The following ECT2 variants were observed in gnomAD, a reference collection of about 807,000 sequenced individuals.
The protein encoded by ECT2 is protein ECT2.
Under a neutral mutation model 116.9 loss-of-function variants are expected in ECT2, and 61 were observed. The ratio of observed to expected loss-of-function variants is 0.52; its 90% CI spans 0.42 to 0.65. ECT2 has a LOEUF of 0.65. Among genes scored for constraint, ECT2 ranks in the 30% least tolerant of loss-of-function variants. ECT2 has a pLI of 0.00. For synonymous variants in ECT2, 358 were observed against 346.4 expected (o/e 1.03, Z -0.37); for missense variants, 937 against 1,078.7 (o/e 0.87, Z 1.84).
At chr3:172,827,780 T>C in the ECT2 span, among the ~76,000 whole-genome samples, 9 of 152,328 alleles carry the variant, frequency 5.9e-5, no homozygotes, top group African/African-American at 1.7e-4. Context: ...AGGTTTGAGT[T>C]TGAATAAACT....
intron 24 of ECT2, among the ~76,000 whole-genome samples, 187 bp downstream of exon 24, chr3:172,817,024 A>G (rs1729840753): frequency 1.3e-5 from 2 of 152,246 alleles, no homozygotes; most frequent in Non-Finnish European, 2.9e-5. Flanking sequence ...AGATATTTTC[A>G]TTCTTTCTTA....
chr3:172,787,870 A>G (rs1723895471), intron 18 of ECT2, among the ~76,000 whole-genome samples: 1 of 152,230 alleles, frequency 6.6e-6, no homozygotes, highest in Non-Finnish European at 1.5e-5. Flanking sequence ...TTTGGTAAGC[A>G]AAGATTATAA....
At chr3:172,795,941 AT>A (rs1230348888) in intron 18 of ECT2, among the ~76,000 whole-genome samples, 3 of 152,214 alleles carry the variant, frequency 2.0e-5, no homozygotes, top group Non-Finnish European at 2.9e-5. Flanking sequence ...GTGTTTTTTA[AT>A]TAAAAAACAA....
At chr3:172,765,267 T>C (rs144998943) in intron 12 of ECT2, among the ~76,000 whole-genome samples, 29 of 152,286 alleles carry the variant, frequency 1.9e-4, no homozygotes, top group African/African-American at 7.0e-4. Context: ...TTCTGTGATA[T>C]TACTTACTCA....
intron 22 of ECT2, among the ~76,000 whole-genome samples, chr3:172,812,198 CG>C (rs1270570785): frequency 6.6e-6 from 1 of 152,026 alleles, no homozygotes; most frequent in African/African-American, 2.4e-5. Context: ...TGGCCAGCCA[CG>C]CTGGTCTTGA....
chr3:172,782,016 GAGAA>G, intron 14 of ECT2, 143 bp from the exon 15 acceptor site: 1 of 411,082 alleles, frequency 2.4e-6, no homozygotes, highest in Non-Finnish European at 4.3e-6. Context: ...CCTTGTTGAA[GAGAA>G]AGAATGGGAT....
At chr3:172,788,347 GAT>G (rs1723983653) in intron 18 of ECT2, among the ~76,000 whole-genome samples, 1 of 152,142 alleles carries the variant, frequency 6.6e-6, no homozygotes, top group African/African-American at 2.4e-5. Context: ...ATTTGTTATA[GAT>G]ATGTTTTTAG....
intron 18 of ECT2, among the ~76,000 whole-genome samples, chr3:172,800,406 A>G (rs996869191): frequency 6.6e-6 from 1 of 152,198 alleles, no homozygotes. Context: ...ACTAGTGTCA[A>G]TGAGCTTTCT....
At chr3:172,802,041 G>T (rs1215115842) in intron 18 of ECT2, among the ~76,000 whole-genome samples, 1 of 152,114 alleles carries the variant, frequency 6.6e-6, no homozygotes, top group African/African-American at 2.4e-5. Flanking sequence ...GTATAGTAAA[G>T]AATATAGAAA....
downstream of ECT2, among the ~76,000 whole-genome samples, chr3:172,824,249 T>C (rs140626779): frequency 4.3e-3 from 652 of 152,324 alleles, 5 homozygotes; most frequent in African/African-American, 0.015. Flanking sequence ...AAAAGAGATT[T>C]AATTGGCTCC....
chr3:172,818,850 G>A, intron 24 of ECT2: 1 of 1,137,840 alleles, frequency 8.8e-7, no homozygotes, highest in Non-Finnish European at 1.1e-6. Context: ...TGTATTTGCG[G>A]GAAAAAAAAA....
At chr3:172,758,867 G>A (rs1717626263) in intron 5 of ECT2, 113 bp from the exon 6 acceptor site, 1 of 877,040 alleles carries the variant, frequency 1.1e-6, no homozygotes, top group African/African-American at 1.7e-5. Context: ...TAAATCTTTG[G>A]ATTGGGAAAG....
At chr3:172,826,461 T>C (rs190549061), downstream of ECT2, among the ~76,000 whole-genome samples, 406 of 152,342 alleles carry the variant, frequency 2.7e-3, 2 homozygotes, top group African/African-American at 9.2e-3. Context: ...GAGTGCTTTC[T>C]TGAGATGGAA....
chr3:172,813,531 G>A (rs534378974), intron 22 of ECT2, among the ~76,000 whole-genome samples: 24 of 152,062 alleles, frequency 1.6e-4, no homozygotes, highest in South Asian at 8.3e-4. Context: ...TAATATTTTC[G>A]TATACAAAGA....
chr3:172,775,335 A>T (rs1015728012), intron 14 of ECT2, among the ~76,000 whole-genome samples: 1 of 152,218 alleles, frequency 6.6e-6, no homozygotes, highest in Non-Finnish European at 1.5e-5. Context: ...TATACATTAT[A>T]AACAAAAAAT....
At chr3:172,762,831 G>T (rs1432852145) in intron 10 of ECT2, 25 bp downstream of exon 10, 7 of 1,609,562 alleles carry the variant, frequency 4.3e-6, no homozygotes, top group Non-Finnish European at 5.9e-6. Context: ...AATGAGGTTG[G>T]TTTTTAAAAA....
chr3:172,816,668 A>C (rs764308391), intron 23 of ECT2, 23 bp from the exon 24 acceptor site: 1 of 1,564,734 alleles, frequency 6.4e-7, no homozygotes, highest in South Asian at 1.2e-5. Context: ...TCTAGGTTTA[A>C]CTAATTGTAA....
Position 172,816,708 on chromosome 3 carries a change from T to C in ECT2, c.2526T>C (p.Ser842=). The C allele has an allele frequency of 2.5e-6, 4 of 1,603,504 alleles. No homozygotes were observed. The highest frequency in any genetic ancestry group is 3.4e-6 in the Non-Finnish European group (4 of 1,172,746). The change falls in exon 24 of 25, where the codon TCT becomes TCC. Residue 842 remains serine (S), a synonymous_variant. Transcript: ENST00000392692. ...KTSKKVTRAF[S]FSKTPKRALR... is the part of the protein sequence containing the mutation. ...AACTCTAGGTTACAAGAGCATTCTCTTTCTCCAAAACTCCAAAAAGAGCTC... is the reference window on the plus strand; with the variant it reads ...AACTCTAGGTTACAAGAGCATTCTCCTTCTCCAAAACTCCAAAAAGAGCTC...
At chr3:172,773,845 C>CT in intron 13 of ECT2, 58 bp from the exon 14 acceptor site, 1 of 1,534,896 alleles carries the variant, frequency 6.5e-7, no homozygotes, top group Non-Finnish European at 9.0e-7. Context: ...CACTGTCTAT[C>CT]TTTTAGCTCT....
Sources: allele counts gnomAD v4.1 joint callset (sites outside exome capture counted in the v4.1 genomes callset), GRCh38; gene constraint gnomAD v4.1.1; transcripts MANE v1.5; gene names NCBI Gene and HGNC (gene_info 2026-07-23, HGNC 2026-07-21).